The following PDZD2 variants were observed in gnomAD, a reference collection of about 807,000 sequenced individuals.
PDZD2 encodes PDZ domain-containing protein 2.
Under a neutral mutation model 220.7 loss-of-function variants are expected in PDZD2, and 90 were observed. The observed-to-expected ratio is 0.41, with a 90% CI of 0.34 to 0.49. The LOEUF (loss-of-function observed/expected upper bound fraction) is 0.49. Ranked by LOEUF, PDZD2 falls within the 20% of genes least tolerant of loss-of-function variation. The pLI, the probability that PDZD2 is intolerant of heterozygous loss-of-function variation, is 0.28. For missense variants in PDZD2, 3,174 were observed against 3,608.5 expected (o/e 0.88, Z 3.08); for synonymous variants, 1,375 against 1,450.5 (o/e 0.95, Z 1.18).
chr5:31,755,782 C>T (rs562842042), intron 1 of PDZD2, among the ~76,000 whole-genome samples: 188 of 152,226 alleles, frequency 1.2e-3, no homozygotes, highest in African/African-American at 4.3e-3. Flanking sequence ...TTCTAAATGG[C>T]AGCTATTAAC....
chr5:31,958,629 C>T (rs745834194), intron 2 of PDZD2, among the ~76,000 whole-genome samples: 1 of 151,602 alleles, frequency 6.6e-6, no homozygotes, highest in Non-Finnish European at 1.5e-5. Flanking sequence ...AAGTACTCCA[C>T]CCCGCCCCCG....
intron 19 of PDZD2, among the ~76,000 whole-genome samples, chr5:32,081,803 G>A (rs1457475482): frequency 1.3e-5 from 2 of 150,458 alleles, no homozygotes; most frequent in South Asian, 2.1e-4. Context: ...CTCACTGTAC[G>A]CTCTGCCTCC....
chr5:31,660,460 C>T (rs1193572419), intron 1 of PDZD2, among the ~76,000 whole-genome samples: 1 of 152,084 alleles, frequency 6.6e-6, no homozygotes, highest in Non-Finnish European at 1.5e-5. Flanking sequence ...ACTCTCAGTT[C>T]CGCATGGCTG....
chr5:31,790,454 G>A (rs1348694230), intron 1 of PDZD2, among the ~76,000 whole-genome samples: 1 of 152,138 alleles, frequency 6.6e-6, no homozygotes, highest in Admixed American at 6.5e-5. Flanking sequence ...ATGGGCACAG[G>A]AAGGACACCT....
intron 21 of PDZD2, among the ~76,000 whole-genome samples, chr5:32,094,195 G>C (rs1440696293): frequency 1.3e-5 from 2 of 152,144 alleles, no homozygotes; most frequent in African/African-American, 4.8e-5. Flanking sequence ...GTCACCTGTA[G>C]AAGAGCATCT....
chr5:31,720,175 A>G (rs1011737601), intron 1 of PDZD2, among the ~76,000 whole-genome samples: 6 of 152,358 alleles, frequency 3.9e-5, no homozygotes, highest in African/African-American at 1.4e-4. Context: ...TCTCTCTTCT[A>G]ATTGGCAGAG....
intron 3 of PDZD2, among the ~76,000 whole-genome samples, chr5:31,994,098 A>G (rs1465275377): frequency 1.3e-5 from 2 of 149,408 alleles, no homozygotes; most frequent in Non-Finnish European, 1.5e-5. Flanking sequence ...GCTCACTGCA[A>G]CCTCCACCTT....
chr5:32,084,800 G>A (rs1041832885), intron 19 of PDZD2, among the ~76,000 whole-genome samples: 10 of 151,852 alleles, frequency 6.6e-5, no homozygotes, highest in African/African-American at 2.4e-4. Flanking sequence ...GACTATGCAG[G>A]GCCTTATGAA....
At chr5:31,768,567 A>G (rs1379475855) in intron 1 of PDZD2, among the ~76,000 whole-genome samples, 1 of 151,162 alleles carries the variant, frequency 6.6e-6, no homozygotes, top group African/African-American at 2.4e-5. Context: ...GCTTGAACCC[A>G]GGAGGCGGAG....
intron 6 of PDZD2, among the ~76,000 whole-genome samples, chr5:32,029,581 G>C (rs1430560317): frequency 6.6e-6 from 1 of 152,102 alleles, no homozygotes; most frequent in East Asian, 1.9e-4. Context: ...ACATGCAGTG[G>C]ATTTGCATCA....
intron 1 of PDZD2, among the ~76,000 whole-genome samples, chr5:31,643,615 A>G (rs145958201): frequency 6.6e-6 from 1 of 152,330 alleles, no homozygotes; most frequent in East Asian, 1.9e-4. Flanking sequence ...TTGTCTTTCA[A>G]TAGCAGTGGT....
chr5:31,786,960 G>T (rs1302784798), intron 1 of PDZD2, among the ~76,000 whole-genome samples: 1 of 152,242 alleles, frequency 6.6e-6, no homozygotes, highest in African/African-American at 2.4e-5. Context: ...GAAAGGATTT[G>T]TAAAATATCT....
At chr5:32,104,351 A>T (rs1744529958) in intron 24 of PDZD2, among the ~76,000 whole-genome samples, 2 of 151,722 alleles carry the variant, frequency 1.3e-5, no homozygotes, top group African/African-American at 4.9e-5. Flanking sequence ...CAAGCATTTG[A>T]ATAATAAAGA....
intron 2 of PDZD2, among the ~76,000 whole-genome samples, chr5:31,904,286 TA>T: frequency 6.6e-6 from 1 of 152,284 alleles, no homozygotes; most frequent in South Asian, 2.1e-4. Context: ...AGGAAAAGTT[TA>T]TTTAGTCAAC....
intron 17 of PDZD2, among the ~76,000 whole-genome samples, chr5:32,073,312 G>A (rs2112397742): frequency 1.3e-5 from 2 of 152,246 alleles, no homozygotes; most frequent in South Asian, 4.2e-4. Context: ...GGTTGGCATT[G>A]TTCTAGAGTA....
At chr5:31,921,495 G>A (rs557133619) in intron 2 of PDZD2, among the ~76,000 whole-genome samples, 74 of 152,124 alleles carry the variant, frequency 4.9e-4, no homozygotes, top group Non-Finnish European at 9.0e-4. Flanking sequence ...ACCAGCCTAG[G>A]CAGCATAGTG....
chr5:31,687,576 C>T lies in PDZD2; in HGVS notation c.-361+48139C>T, dbSNP rs116650658. ...CTTCCATATATTTTGGTATCTGTTA[C>T]AGCAGCACCCCACTTCTTGGTACCA... is the stretch of plus-strand genomic sequence containing the variant. On this transcript the variant is annotated intron_variant, in intron 1 of 24. Transcript: ENST00000438447. 1.0e-3 allele frequency among the ~76,000 whole-genome samples: 154 copies of T among 152,292 alleles called. 2 individuals carry two copies. The highest frequency in any genetic ancestry group is 3.6e-3 in the African/African-American group (150 of 41,566).
At chr5:31,973,318 G>C (rs376025171) in intron 2 of PDZD2, among the ~76,000 whole-genome samples, 1 of 152,184 alleles carries the variant, frequency 6.6e-6, no homozygotes. Flanking sequence ...ATGATAGTTC[G>C]AGATGTGAAC....
chr5:31,712,372 T>C (rs1748166292), intron 1 of PDZD2, among the ~76,000 whole-genome samples: 1 of 152,100 alleles, frequency 6.6e-6, no homozygotes, highest in Admixed American at 6.6e-5. Context: ...CTAGGAATGT[T>C]TTGCTCTTGG....
Sources: gnomAD v4.1 joint callset for allele counts (sites outside exome capture counted in the v4.1 genomes callset) on GRCh38, gnomAD v4.1.1 for gene constraint, MANE v1.5 for transcripts, NCBI Gene and HGNC (gene_info 2026-07-23, HGNC 2026-07-21) for gene names.